The following SPMIP2 variants were observed in gnomAD, a reference collection of about 807,000 sequenced individuals.
SPMIP2 encodes sperm microtubule inner protein 2.
At chr4:159,049,795 C>G in the SPMIP2 span, among the ~76,000 whole-genome samples, 1 of 152,124 alleles carries the variant, frequency 6.6e-6, no homozygotes, top group Non-Finnish European at 1.5e-5. Context: ...TGAATTAAAA[C>G]CCATATGATT....
At chr4:159,052,039 C>A in the SPMIP2 span, among the ~76,000 whole-genome samples, 3 of 151,736 alleles carry the variant, frequency 2.0e-5, no homozygotes, top group Non-Finnish European at 2.9e-5. Context: ...AAACAAAAAC[C>A]AAATTTCCCT....
chr4:158,919,256 C>T, the SPMIP2 span, among the ~76,000 whole-genome samples: 1 of 152,320 alleles, frequency 6.6e-6, no homozygotes, highest in African/African-American at 2.4e-5. Context: ...ATCGAATGCT[C>T]AGACACCTTC....
At chr4:158,895,283 C>T in the SPMIP2 span, among the ~76,000 whole-genome samples, 6 of 152,090 alleles carry the variant, frequency 3.9e-5, no homozygotes, top group African/African-American at 1.4e-4. Flanking sequence ...CCAGAATAAT[C>T]TGAGCTATTG....
the SPMIP2 span, among the ~76,000 whole-genome samples, chr4:158,961,153 G>A: frequency 6.6e-6 from 1 of 152,030 alleles, no homozygotes; most frequent in African/African-American, 2.4e-5. Context: ...ACTTACATTA[G>A]TATGGGATGC....
the SPMIP2 span, chr4:158,907,162 G>A: frequency 6.6e-6 from 1 of 152,302 alleles, no homozygotes; most frequent in African/African-American, 2.4e-5. Flanking sequence ...TAATAAATTG[G>A]TAAGTGAAAT....
the SPMIP2 span, among the ~76,000 whole-genome samples, chr4:158,952,821 T>C: frequency 6.6e-6 from 1 of 152,164 alleles, no homozygotes; most frequent in African/African-American, 2.4e-5. Flanking sequence ...AAGATGACTC[T>C]TGTTAGGTTT....
chr4:158,916,441 C>T, the SPMIP2 span, among the ~76,000 whole-genome samples: 1 of 152,136 alleles, frequency 6.6e-6, no homozygotes, highest in Non-Finnish European at 1.5e-5. Context: ...GCAGTTCCTT[C>T]CTGCTCCTGA....
At chr4:159,045,352 T>TGAGA in the SPMIP2 span, among the ~76,000 whole-genome samples, 1 of 1,508 alleles carries the variant, frequency 6.6e-4, no homozygotes. Context: ...TAAGGTATTT[T>TGAGA]TGAGATACAT....
chr4:158,966,768 C>T, the SPMIP2 span, among the ~76,000 whole-genome samples: 1 of 152,192 alleles, frequency 6.6e-6, no homozygotes, highest in African/African-American at 2.4e-5. Context: ...AATAATCTAC[C>T]AAGCTTTACA....
chr4:159,054,655 G>A, the SPMIP2 span, among the ~76,000 whole-genome samples: 3 of 152,120 alleles, frequency 2.0e-5, no homozygotes, highest in Non-Finnish European at 1.5e-5. Context: ...GATGGTGGGC[G>A]CTACACACAA....
At chr4:158,980,611 G>C in the SPMIP2 span, among the ~76,000 whole-genome samples, 3 of 152,204 alleles carry the variant, frequency 2.0e-5, no homozygotes, top group Non-Finnish European at 4.4e-5. Context: ...CAGCAGAGAG[G>C]CCTGACTGTT....
chr4:159,072,275 C>T, the SPMIP2 span, among the ~76,000 whole-genome samples: 1 of 152,080 alleles, frequency 6.6e-6, no homozygotes, highest in Admixed American at 6.6e-5. Context: ...GATTGCACCA[C>T]TCACTCCAGC....
the SPMIP2 span, among the ~76,000 whole-genome samples, chr4:158,988,121 CA>C: frequency 6.6e-3 from 1,006 of 152,230 alleles, 5 homozygotes; most frequent in African/African-American, 0.022. Flanking sequence ...CAGCTGTACG[CA>C]AATAAACTAG....
the SPMIP2 span, among the ~76,000 whole-genome samples, chr4:159,076,541 A>G: frequency 1.3e-5 from 2 of 152,128 alleles, no homozygotes; most frequent in African/African-American, 4.8e-5. Context: ...TTTCATTTAC[A>G]GTTTGAATAC....
the SPMIP2 span, among the ~76,000 whole-genome samples, chr4:158,998,167 G>C: frequency 6.6e-6 from 1 of 152,106 alleles, no homozygotes; most frequent in Non-Finnish European, 1.5e-5. Flanking sequence ...ATTTTATATA[G>C]TTTTTATGGG....
chr4:158,897,205 T>C, the SPMIP2 span, among the ~76,000 whole-genome samples: 703 of 152,338 alleles, frequency 4.6e-3, 6 homozygotes, highest in Non-Finnish European at 7.3e-3. Context: ...TATTCCATGG[T>C]GTATATGTGC....
the SPMIP2 span, among the ~76,000 whole-genome samples, chr4:158,978,818 C>T: frequency 6.6e-6 from 1 of 152,098 alleles, no homozygotes; most frequent in Non-Finnish European, 1.5e-5. Flanking sequence ...TGTCTTTGCA[C>T]ATGAGATGGG....
the SPMIP2 span, among the ~76,000 whole-genome samples, chr4:158,936,932 G>T: frequency 6.6e-6 from 1 of 152,182 alleles, no homozygotes; most frequent in Non-Finnish European, 1.5e-5. Flanking sequence ...AAAACTGGAG[G>T]TTAGGCTAAC....
At chr4:158,963,388 GCCT>G in the SPMIP2 span, among the ~76,000 whole-genome samples, 1 of 152,188 alleles carries the variant, frequency 6.6e-6, no homozygotes, top group Non-Finnish European at 1.5e-5. Context: ...TGCAACCTCT[GCCT>G]CCTAAGTTCA....
Sources: gnomAD v4.1 joint callset for allele counts (sites outside exome capture counted in the v4.1 genomes callset) on GRCh38, gnomAD v4.1.1 for gene constraint, MANE v1.5 for transcripts, NCBI Gene and HGNC (gene_info 2026-07-23, HGNC 2026-07-21) for gene names.